TIMELESS: variants seen among roughly 807,000 people sequenced by gnomAD.
TIMELESS encodes timeless circadian regulator, also known as protein timeless homolog.
Under a neutral mutation model 164.3 loss-of-function variants are expected in TIMELESS, and 124 were observed. The ratio of observed to expected loss-of-function variants is 0.75; its 90% CI spans 0.65 to 0.88. The LOEUF is 0.88. TIMELESS is among the 40% of genes least tolerant of loss of function. The probability of loss-of-function intolerance (pLI) is 0.00; values close to 1 mark genes in which losing one functional copy is unlikely to be tolerated. For missense variants in TIMELESS, 1,422 were observed against 1,491.4 expected, an observed-to-expected ratio of 0.95 and a Z score of 0.77; for synonymous variants, 564 against 563.4, an observed-to-expected ratio of 1.00 and a Z score of -0.02.
chr12:56,443,898 CTTTT>C (rs1225876764), intron 1 of TIMELESS, among the ~76,000 whole-genome samples: 5 of 134,818 alleles, frequency 3.7e-5, no homozygotes, highest in Non-Finnish European at 4.8e-5. Flanking sequence ...TTTCGGTATT[CTTTT>C]TTTTTTTTTT....
chr12:56,421,872 T>C (rs1352164847), intron 21 of TIMELESS, 27 bp downstream of exon 21: 5 of 1,613,328 alleles, frequency 3.1e-6, no homozygotes, highest in African/African-American at 1.3e-5. Context: ...CCCATCCCAA[T>C]AGCCTCCAGA....
rs757513574 is a variant in TIMELESS, at chr12:56,428,575, A to C, written c.1382T>G (p.Val461Gly). Residue 461 changes from valine to glycine, a missense_variant, in exon 12 of 29, where the codon GTG becomes GGG. Coordinates refer to ENST00000553532, the MANE Select transcript of TIMELESS (RefSeq NM_003920.5). ...CTTGATGATGCGGCTGCTCTCCCTC[A>C]CAGCCTCATCTGGAGATATGTCCAT... ...NEMDISPDEA[V>G]RESSRIIKNN... 6.2e-7 allele frequency: 1 copy of C among 1,614,124 alleles called. No individual in the cohort carries two copies. Among genetic ancestry groups the C allele is most frequent in the South Asian group, 1.1e-5 (1 of 91,080 alleles).
chr12:56,423,445 A>G lies in TIMELESS; in HGVS notation c.2121T>C (p.Tyr707=). ...RFACSTVVRA[Y]VLLLRSYQQN... ...GCTGGTAGCTCCTTAGTAGCAGCAC[A>G]TAGGCTCGAACGACAGTTGAACATG... Residue 707 remains tyrosine, a synonymous_variant, in exon 18 of 29, where the codon TAT becomes TAC. Coordinates refer to ENST00000553532, the MANE Select transcript of TIMELESS (RefSeq NM_003920.5). 6.2e-7 allele frequency: 1 copy of G among 1,614,150 alleles called. No homozygotes were observed. Among genetic ancestry groups the G allele is most frequent in the Non-Finnish European group, 8.5e-7 (1 of 1,180,028 alleles).
At chr12:56,428,727 G>T in intron 11 of TIMELESS, 75 bp from the exon 12 acceptor site, 3 of 1,463,172 alleles carry the variant, frequency 2.1e-6, no homozygotes, top group Non-Finnish European at 2.8e-6. Flanking sequence ...ACTTCCCACA[G>T]CGAAAAAAAA....
chr12:56,423,497 G>A (rs766361407), intron 17 of TIMELESS, 22 bp from the exon 18 acceptor site: 2 of 1,613,884 alleles, frequency 1.2e-6, no homozygotes, highest in Non-Finnish European at 8.5e-7. Flanking sequence ...CAAGGAGGGA[G>A]AGGATGTCAG....
At chr12:56,442,973 G>A (rs561772727) in intron 1 of TIMELESS, among the ~76,000 whole-genome samples, 3 of 152,036 alleles carry the variant, frequency 2.0e-5, no homozygotes, top group Admixed American at 6.6e-5. Context: ...TCTTAATCCC[G>A]TCATCTTCAT....
At chr12:56,447,709 C>A (rs1868385827) in intron 1 of TIMELESS, among the ~76,000 whole-genome samples, 1 of 152,206 alleles carries the variant, frequency 6.6e-6, no homozygotes, top group East Asian at 1.9e-4. Flanking sequence ...TTTTATTGAT[C>A]TTTTATTGAG....
At chr12:56,421,168 G>T (rs768247291) in intron 23 of TIMELESS, 34 bp from the exon 24 acceptor site, 1 of 1,612,828 alleles carries the variant, frequency 6.2e-7, no homozygotes, top group East Asian at 2.2e-5. Flanking sequence ...GAATGAAAAT[G>T]AAGGCAACAC....
intron 13 of TIMELESS, among the ~76,000 whole-genome samples, chr12:56,426,237 C>G (rs1312686484): frequency 1.3e-5 from 2 of 152,078 alleles, no homozygotes; most frequent in Non-Finnish European, 2.9e-5. Context: ...AATGATAGTA[C>G]CTAGTATTAC....
intron 1 of TIMELESS, among the ~76,000 whole-genome samples, chr12:56,447,045 T>C (rs1446713703): frequency 6.6e-6 from 1 of 151,254 alleles, no homozygotes; most frequent in African/African-American, 2.4e-5. Context: ...AGTCTCACTC[T>C]GTCACTCAGG....
chr12:56,423,978 C>T, intron 15 of TIMELESS, 84 bp from the exon 16 acceptor site: 1 of 1,239,552 alleles, frequency 8.1e-7, no homozygotes, highest in South Asian at 1.3e-5. Flanking sequence ...GGAATTTAGA[C>T]TTATTTCTTT....
rs369045891 is a variant in TIMELESS, at chr12:56,432,468, G to A, written c.588C>T (p.Ser196=). The A allele has an allele frequency of 2.0e-5, 32 of 1,614,068 alleles. No individual in the cohort carries two copies. The highest frequency in any genetic ancestry group is 1.6e-4 in the Middle Eastern group (1 of 6,080). Residue 196 remains serine, a synonymous_variant, in exon 7 of 29, where the codon AGC becomes AGT. Transcript: ENST00000553532. The stretch of plus-strand genomic sequence containing the variant: ...GAAAGAGGAGCAGGTCATCCAGGCC[G>A]CTGAGGTGAATCGCCCAGAGGAGCT... The part of the protein sequence containing the change: ...HDQLLWAIHL[S]GLDDLLLFLA...
In TIMELESS at chr12:56,423,620, G is replaced by A. The variant is rs763900681; in HGVS notation, c.2054C>T (p.Ser685Leu). 33 of 1,613,924 alleles carry A rather than the reference G, an allele frequency of 2.0e-5. No individual in the cohort carries two copies. Among genetic ancestry groups the A allele is most frequent in the Non-Finnish European group, 2.2e-5 (26 of 1,180,024 alleles). ...EEEELQVVQV[S>L]EKEFNFLDYL... ...GTCCAGAAAATTAAATTCTTTCTCC[G>A]ACACCTGGACCACTTGCAACTCCTC... The change falls in exon 17 of 29, where the codon TCG becomes TTG. Residue 685 changes from serine (S) to leucine (L), a missense_variant. Physicochemically the swap from Ser to Leu is moderately radical, Grantham distance 145. Transcript: ENST00000553532.
chr12:56,433,052 C>A lies in TIMELESS; in HGVS notation c.505G>T (p.Val169Phe). 1 of 1,612,822 alleles carries A rather than the reference C, an allele frequency of 6.2e-7. No individual in the cohort carries two copies. The highest frequency in any genetic ancestry group is 8.5e-7 in the Non-Finnish European group (1 of 1,179,730). ...TTCTCCTGATCAAGGTCAGCTGGGA[C>A]ATGGAGAATATTTCTGACCAGCAGT... ...ILLLVRNILH[V>F]PADLDQEKKI... The change falls in exon 6 of 29, where the codon GTC becomes TTC. Residue 169 changes from valine to phenylalanine, a missense_variant. Transcript: ENST00000553532.
At chr12:56,435,734 C>A (rs190023396) in intron 1 of TIMELESS, among the ~76,000 whole-genome samples, 56 of 151,610 alleles carry the variant, frequency 3.7e-4, no homozygotes, top group African/African-American at 1.3e-3. Flanking sequence ...CTGAGGCGGG[C>A]GGATCATGAG....
chr12:56,419,911 G>A (rs1405827201), intron 26 of TIMELESS, among the ~76,000 whole-genome samples: 1 of 148,814 alleles, frequency 6.7e-6, no homozygotes, highest in Non-Finnish European at 1.5e-5. Context: ...GGAGGCTGAG[G>A]TGGGAGGATC....
chr12:56,419,944 C>T (rs193283334), intron 26 of TIMELESS, among the ~76,000 whole-genome samples: 14 of 127,026 alleles, frequency 1.1e-4, no homozygotes, highest in African/African-American at 3.7e-4. Context: ...GAGGTTGAGG[C>T]GACAGTGAGC....
intron 1 of TIMELESS, among the ~76,000 whole-genome samples, chr12:56,438,989 C>A (rs1027437861): frequency 1.3e-5 from 2 of 150,148 alleles, no homozygotes; most frequent in African/African-American, 4.9e-5. Context: ...CATGGTGAAA[C>A]CCTGTCTCTA....
chr12:56,434,227 G>A lies in TIMELESS; in HGVS notation c.-57C>T. ...TGGAGAAACAGGAGACAGAAATGATGAGGCCTGGAGAAATAGAGAAAGATA... is the reference window on the plus strand; with the variant it reads ...TGGAGAAACAGGAGACAGAAATGATAAGGCCTGGAGAAATAGAGAAAGATA... On this transcript the variant is annotated 5_prime_UTR_variant, in exon 2 of 29. Coordinates refer to ENST00000553532, the MANE Select transcript of TIMELESS (RefSeq NM_003920.5). 2 of 1,351,536 alleles carry A rather than the reference G, an allele frequency of 1.5e-6. No homozygotes were observed. The highest frequency in any genetic ancestry group is 2.4e-5 in the South Asian group (2 of 84,578). 83.7% of individuals were successfully genotyped at this position (1,351,536 alleles called of 1,614,324 possible).
Sources: gnomAD v4.1 joint callset for allele counts (sites outside exome capture counted in the v4.1 genomes callset) on GRCh38, gnomAD v4.1.1 for gene constraint, MANE v1.5 for transcripts, NCBI Gene and HGNC (gene_info 2026-07-23, HGNC 2026-07-21) for gene names.